The following NDUFAF2 variants were observed in gnomAD, a reference collection of about 807,000 sequenced individuals.
The protein encoded by NDUFAF2 is NADH dehydrogenase [ubiquinone] 1 alpha subcomplex assembly factor 2.
NDUFAF2 carries 13 observed loss-of-function variants against 22.8 expected under a neutral mutation model. That is an observed-to-expected ratio of 0.57 (90% CI 0.37 to 0.91). The LOEUF is 0.91. Ranked by LOEUF, NDUFAF2 falls within the 40% of genes least tolerant of loss-of-function variation. The pLI is 0.01. For missense variants in NDUFAF2, 162 were observed against 195.2 expected (o/e 0.83, Z 1.01); for synonymous variants, 53 against 64.2 (o/e 0.83, Z 0.84).
chr5:61,107,934 G>C (rs1359959906), intron 3 of NDUFAF2, among the ~76,000 whole-genome samples: 2 of 149,374 alleles, frequency 1.3e-5, no homozygotes, highest in African/African-American at 2.5e-5. Context: ...TTTTGTTCTT[G>C]CGATAGTTTA....
chr5:61,103,436 T>C (rs1752726706), intron 3 of NDUFAF2, among the ~76,000 whole-genome samples: 1 of 152,122 alleles, frequency 6.6e-6, no homozygotes, highest in Non-Finnish European at 1.5e-5. Context: ...TAATCACTAC[T>C]TTCTCGGTAT....
chr5:61,062,232 T>C (rs925394284), intron 1 of NDUFAF2, among the ~76,000 whole-genome samples: 2 of 152,138 alleles, frequency 1.3e-5, no homozygotes, highest in African/African-American at 4.8e-5. Context: ...GTTTACTAAT[T>C]GTCTAAAAGA....
intron 1 of NDUFAF2, among the ~76,000 whole-genome samples, chr5:60,977,193 C>T (rs868121496): frequency 2.6e-5 from 4 of 151,552 alleles, no homozygotes; most frequent in Non-Finnish European, 2.9e-5. Context: ...TTTGGGAAGC[C>T]GAGCCAAGAG....
rs12513645 is a variant in NDUFAF2 at position 61,090,847 on chromosome 5, A to G, written c.218-8145A>G. ...GATCCTCTCCCTCCTCCCATCCTCC[A>G]CCCTCCAATAGGCTTCAGTGTGTGT... On this transcript the variant is annotated intron_variant, in intron 2 of 3. Coordinates refer to ENST00000296597, the MANE Select transcript of NDUFAF2 (RefSeq NM_174889.5). Among the ~76,000 whole-genome samples, 95 of 151,458 alleles carry G rather than the reference A, an allele frequency of 6.3e-4. 1 individual carries two copies. The highest frequency in any genetic ancestry group is 6.2e-3 in the Admixed American group (95 of 15,206).
intron 1 of NDUFAF2, among the ~76,000 whole-genome samples, chr5:60,946,366 A>G (rs1236400603): frequency 6.6e-6 from 1 of 152,210 alleles, no homozygotes; most frequent in East Asian, 1.9e-4. Flanking sequence ...TTCCAAGATT[A>G]TGTGCCATTC....
At chr5:61,088,092 C>T (rs938671315) in intron 2 of NDUFAF2, among the ~76,000 whole-genome samples, 4 of 152,006 alleles carry the variant, frequency 2.6e-5, no homozygotes, top group Admixed American at 6.6e-5. Context: ...CAGTTCATTG[C>T]TGTTGTAAGA....
chr5:61,147,683 A>G (rs1289272929), intron 3 of NDUFAF2, among the ~76,000 whole-genome samples: 14 of 152,108 alleles, frequency 9.2e-5, no homozygotes, highest in Admixed American at 6.5e-4. Context: ...TATAGTGGCC[A>G]TTAGTCATAT....
At chr5:60,959,721 T>C (rs1750660401) in intron 1 of NDUFAF2, among the ~76,000 whole-genome samples, 1 of 152,116 alleles carries the variant, frequency 6.6e-6, no homozygotes, top group Admixed American at 6.5e-5. Context: ...GACTATAAAA[T>C]AGTAATTTAA....
At chr5:61,003,478 A>C (rs147813260) in intron 1 of NDUFAF2, among the ~76,000 whole-genome samples, 1 of 152,164 alleles carries the variant, frequency 6.6e-6, no homozygotes, top group African/African-American at 2.4e-5. Context: ...GGTACTATCC[A>C]TCAAATAAAG....
intron 3 of NDUFAF2, among the ~76,000 whole-genome samples, chr5:61,122,493 C>T (rs1334942543): frequency 1.3e-5 from 2 of 152,286 alleles, no homozygotes; most frequent in African/African-American, 2.4e-5. Context: ...CTGAACTCTA[C>T]ACTCATTTAA....
chr5:61,112,721 A>C (rs1229106585), intron 3 of NDUFAF2, among the ~76,000 whole-genome samples: 1 of 152,058 alleles, frequency 6.6e-6, no homozygotes, highest in East Asian at 1.9e-4. Context: ...TTTGTCTTTT[A>C]ATAGAGAATT....
intron 1 of NDUFAF2, among the ~76,000 whole-genome samples, chr5:60,984,278 C>T (rs558674615): frequency 6.6e-6 from 1 of 152,046 alleles, no homozygotes; most frequent in East Asian, 1.9e-4. Context: ...AGTTGCCTAT[C>T]AGCTTAAGGA....
At chr5:61,128,028 G>A (rs2111808396) in intron 3 of NDUFAF2, among the ~76,000 whole-genome samples, 1 of 152,274 alleles carries the variant, frequency 6.6e-6, no homozygotes, top group East Asian at 1.9e-4. Flanking sequence ...GCCAAATCAT[G>A]AGTGAACTCC....
At chr5:61,070,197 T>C (rs1286509248) in intron 1 of NDUFAF2, among the ~76,000 whole-genome samples, 1 of 152,192 alleles carries the variant, frequency 6.6e-6, no homozygotes, top group Non-Finnish European at 1.5e-5. Flanking sequence ...CTTGAGCAGG[T>C]ACTTAAATTT....
At chr5:61,107,529 T>C (rs1198640342) in intron 3 of NDUFAF2, among the ~76,000 whole-genome samples, 1 of 151,438 alleles carries the variant, frequency 6.6e-6, no homozygotes, top group Non-Finnish European at 1.5e-5. Context: ...TCTCCCATTC[T>C]GTGAGTTGTC....
chr5:61,055,561 C>G (rs1752077158), intron 1 of NDUFAF2, among the ~76,000 whole-genome samples: 1 of 152,138 alleles, frequency 6.6e-6, no homozygotes, highest in Admixed American at 6.6e-5. Context: ...GGTAAGAAAG[C>G]AGATACTGAT....
intron 1 of NDUFAF2, among the ~76,000 whole-genome samples, chr5:60,977,064 A>G (rs555319723): frequency 1.6e-4 from 24 of 152,116 alleles, no homozygotes; most frequent in Non-Finnish European, 2.9e-4. Flanking sequence ...TCTAGTCTGT[A>G]ATAAAGTATT....
rs77191020 is a variant in NDUFAF2 at position 61,069,708 on chromosome 5, T to C, written c.128-3417T>C. Among the ~76,000 whole-genome samples the C allele has an allele frequency of 8.5e-4, 129 of 152,254 alleles. 1 individual carries two copies. The East Asian group carries it at 0.024, about 28-fold the overall frequency. ...ACTGTCCCAGAAGCTCAGTAGTACA[T>C]GTGAAACCTGTCTTTTACCTAAACC... is the stretch of plus-strand genomic sequence containing the variant. On this transcript the variant is annotated intron_variant, in intron 1 of 3. Transcript: ENST00000296597.
chr5:60,984,157 T>G (rs970697528), intron 1 of NDUFAF2, among the ~76,000 whole-genome samples: 6 of 152,138 alleles, frequency 3.9e-5, no homozygotes, highest in East Asian at 1.9e-4. Context: ...TATTCTCTTT[T>G]AAGCAATTGT....
Sources: allele counts gnomAD v4.1 joint callset (sites outside exome capture counted in the v4.1 genomes callset), GRCh38; gene constraint gnomAD v4.1.1; transcripts MANE v1.5; gene names NCBI Gene and HGNC (gene_info 2026-07-23, HGNC 2026-07-21).